Variants in MAPK9 observed in about 807,000 individuals in gnomAD.
MAPK9 encodes the protein Jun kinase.
A neutral mutation model predicts 57.1 loss-of-function variants in MAPK9; 30 were observed. That is an observed-to-expected ratio of 0.53 (90% CI 0.39 to 0.71). The LOEUF (loss-of-function observed/expected upper bound fraction) is 0.71, where lower values mean the gene tolerates loss of function less well. MAPK9 is among the 30% of genes least tolerant of loss of function. The pLI is 0.00. For synonymous variants in MAPK9, 155 were observed against 177.0 expected (o/e 0.88, Z 0.99); for missense variants, 362 against 521.0 (o/e 0.69, Z 2.97).
Position 180,280,627 on chromosome 5 carries a change from T to C in MAPK9, c.-47-19A>G. On this transcript the variant is annotated intron_variant, in intron 1 of 11. Transcript: ENST00000452135. ...CAGATCCCTTCAAAGAAAAACAGAATGAACGTGCATTCTTACCGGAAGTAC... is the reference window on the plus strand; with the variant it reads ...CAGATCCCTTCAAAGAAAAACAGAACGAACGTGCATTCTTACCGGAAGTAC... 16 of 1,576,954 alleles carry C rather than the reference T, an allele frequency of 1.0e-5. No individual in the cohort carries two copies. The highest frequency in any genetic ancestry group is 1.3e-5 in the Non-Finnish European group (15 of 1,158,376).
At chr5:180,274,371 C>A (rs573930673) in intron 2 of MAPK9, among the ~76,000 whole-genome samples, 24 of 152,274 alleles carry the variant, frequency 1.6e-4, no homozygotes, top group African/African-American at 5.8e-4. Flanking sequence ...ATTCTTATCA[C>A]GAGAGCCCTT....
At chr5:180,282,881 TGAA>T (rs753213505) in intron 1 of MAPK9, among the ~76,000 whole-genome samples, 7 of 151,552 alleles carry the variant, frequency 4.6e-5, no homozygotes, top group East Asian at 3.9e-4. Context: ...CCCAGTAGGG[TGAA>T]GAAGATTTGG....
At position 180,243,203 on chromosome 5, in the gene MAPK9, G is replaced by T. The variant is rs564092501; in HGVS notation, c.689-448C>A. ...TGGAGAGACCTATCTGACCTCCTCA[G>T]TTTACAGCTGGGAACCAAGCAACTG... On this transcript the variant is annotated intron_variant, in intron 7 of 11. Transcript: ENST00000452135. Among the ~76,000 whole-genome samples, 7 of 152,320 alleles carry T rather than the reference G, an allele frequency of 4.6e-5. 1 individual carries two copies. In the South Asian group the frequency reaches 1.5e-3, roughly 32 times the overall value.
intron 2 of MAPK9, 54 bp downstream of exon 2, chr5:180,280,386 A>C: frequency 6.3e-7 from 1 of 1,576,016 alleles, no homozygotes; most frequent in East Asian, 2.2e-5. Flanking sequence ...CTTTAGTTTT[A>C]CTTTTTATTA....
chr5:180,280,330 A>C, intron 2 of MAPK9, 110 bp downstream of exon 2: 1 of 1,440,796 alleles, frequency 6.9e-7, no homozygotes, highest in South Asian at 1.4e-5. Context: ...TCATAAACCT[A>C]TAACAGAGTT....
chr5:180,250,153 G>A (rs1187624755), intron 5 of MAPK9, among the ~76,000 whole-genome samples: 1 of 152,134 alleles, frequency 6.6e-6, no homozygotes, highest in Non-Finnish European at 1.5e-5. Context: ...GACTCTGTGT[G>A]AGCTCTCAGC....
rs763006797 is a variant in MAPK9 at position 180,236,432 on chromosome 5, TGTGTCTGAGGCCAGCGTCTGCTCA to T, written c.1203_1226del (p.Glu402_Thr409del). ...CCGTCGAGGCATCAAGACTGCTGTCTGTGTCTGAGGCCAGCGTCTGCTCAGTGGACATGGATGAAATGTCATTGA... is the reference window on the plus strand; with the variant it reads ...CCGTCGAGGCATCAAGACTGCTGTCTGTGGACATGGATGAAATGTCATTGA... On this transcript the variant is annotated inframe_deletion, in exon 12 of 12. Coordinates refer to ENST00000452135, the MANE Select transcript of MAPK9 (RefSeq NM_002752.5). 1 of 1,613,840 alleles carries T rather than the reference TGTGTCTGAGGCCAGCGTCTGCTCA, an allele frequency of 6.2e-7. No individual in the cohort carries two copies. Among genetic ancestry groups the T allele is most frequent in the South Asian group, 1.1e-5 (1 of 91,030 alleles).
At chr5:180,245,016 G>A (rs537307700) in intron 7 of MAPK9, among the ~76,000 whole-genome samples, 11 of 152,284 alleles carry the variant, frequency 7.2e-5, no homozygotes, top group African/African-American at 2.4e-4. Context: ...GAGGGGTCAC[G>A]TGAGTGCCTT....
At chr5:180,280,665 CG>C in intron 1 of MAPK9, 57 bp from the exon 2 acceptor site, 5 of 1,374,994 alleles carry the variant, frequency 3.6e-6, no homozygotes, top group South Asian at 2.9e-5. Flanking sequence ...ACGCAGCTCA[CG>C]TAAGAGAGTT....
At chr5:180,282,123 C>G (rs545096250) in intron 1 of MAPK9, among the ~76,000 whole-genome samples, 9 of 152,296 alleles carry the variant, frequency 5.9e-5, no homozygotes, top group African/African-American at 2.2e-4. Flanking sequence ...ACTCCAAGGA[C>G]AGGAGGACAG....
chr5:180,245,321 T>C (rs1757998348), intron 7 of MAPK9, among the ~76,000 whole-genome samples: 1 of 152,118 alleles, frequency 6.6e-6, no homozygotes, highest in South Asian at 2.1e-4. Context: ...CCACCTCTCC[T>C]CTGGATGATG....
rs1757154924 is a variant in MAPK9 at position 180,236,115 on chromosome 5, A to C, written c.*269T>G. On this transcript the variant is annotated 3_prime_UTR_variant, in exon 12 of 12. Transcript: ENST00000452135. ...GAGAAACTGTCACTAGTACAATTTG[A>C]AACAAATTCACCTACTCTAACTGCT... The C allele has an allele frequency of 3.6e-6, 1 of 277,158 alleles. No individual in the cohort carries two copies. Among genetic ancestry groups the C allele is most frequent in the African/African-American group, 2.2e-5 (1 of 45,904 alleles). The allele number at this position is 277,158 out of a possible 1,614,324, so 17.2% of individuals were successfully genotyped here. A position where few individuals can be genotyped will look rare whatever the true frequency, so the allele number is the denominator to read the frequency against.
intron 10 of MAPK9, among the ~76,000 whole-genome samples, chr5:180,238,605 C>CTTTTTTTTTTTTTT (rs869035444): frequency 7.7e-6 from 1 of 129,622 alleles, no homozygotes; most frequent in Non-Finnish European, 1.6e-5. Context: ...TTTTCTTCTT[C>CTTTTTTTTTTTTTT]TTCTTTTTTT....
intron 1 of MAPK9, among the ~76,000 whole-genome samples, chr5:180,281,423 C>T (rs1762306059): frequency 6.6e-6 from 1 of 152,232 alleles, no homozygotes; most frequent in Admixed American, 6.5e-5. Flanking sequence ...TGATTTTATA[C>T]AGAAAACAAG....
intron 5 of MAPK9, among the ~76,000 whole-genome samples, chr5:180,250,567 G>T (rs1012686848): frequency 6.6e-6 from 1 of 152,162 alleles, no homozygotes; most frequent in African/African-American, 2.4e-5. Context: ...GGCCACAAGG[G>T]GGGTTGCAGG....
chr5:180,234,759 C>T lies in MAPK9; in HGVS notation c.*1625G>A, dbSNP rs1231724389. ...GTCCAAATGACACAATATAAAAGAA[C>T]TATTTCTTATTTCAATATTAATTTT... On this transcript the variant is annotated 3_prime_UTR_variant, in exon 12 of 12. Transcript: ENST00000452135. 1 of 152,168 alleles carries T rather than the reference C, an allele frequency of 6.6e-6. No individual in the cohort carries two copies. The highest frequency in any genetic ancestry group is 6.5e-5 in the Admixed American group (1 of 15,284). The allele number at this position is 152,168 out of a possible 1,614,324, so 9.4% of individuals were successfully genotyped here.
chr5:180,286,178 C>G (rs893008646), intron 1 of MAPK9, among the ~76,000 whole-genome samples: 2 of 133,522 alleles, frequency 1.5e-5, no homozygotes, highest in African/African-American at 5.7e-5. Flanking sequence ...CGGAGTCTCG[C>G]TCTGTCGCCC....
chr5:180,262,387 AG>A (rs1460083619), intron 4 of MAPK9, among the ~76,000 whole-genome samples: 1 of 41,466 alleles, frequency 2.4e-5, no homozygotes, highest in Non-Finnish European at 6.2e-5. Context: ...CTCCCCAAAG[AG>A]GTGTCTCATG....
At chr5:180,284,110 A>C (rs1393820959) in intron 1 of MAPK9, among the ~76,000 whole-genome samples, 2 of 152,238 alleles carry the variant, frequency 1.3e-5, no homozygotes, top group Non-Finnish European at 2.9e-5. Context: ...TAATTTAGCT[A>C]TTCATGAGTC....
Sources: allele counts gnomAD v4.1 joint callset (sites outside exome capture counted in the v4.1 genomes callset), GRCh38; gene constraint gnomAD v4.1.1; transcripts MANE v1.5; gene names NCBI Gene and HGNC (gene_info 2026-07-23, HGNC 2026-07-21).